PARVA: variants seen among roughly 807,000 people sequenced by gnomAD.
PARVA encodes the protein alpha-parvin.
In PARVA, 25 loss-of-function variants were observed where a neutral mutation model predicts 52.6. That is an observed-to-expected ratio of 0.48 (90% CI 0.35 to 0.66). PARVA has a LOEUF of 0.66. Among genes scored for constraint, PARVA ranks in the 30% least tolerant of loss-of-function variants. The pLI is 0.01. For synonymous variants in PARVA, 185 were observed against 179.1 expected, an observed-to-expected ratio of 1.03 and a Z score of -0.26; for missense variants, 373 against 450.9, an observed-to-expected ratio of 0.83 and a Z score of 1.56.
At chr11:12,475,593 A>G (rs1941001312) in intron 3 of PARVA, among the ~76,000 whole-genome samples, 1 of 152,216 alleles carries the variant, frequency 6.6e-6, no homozygotes, top group Admixed American at 6.5e-5. Flanking sequence ...AGGAGTATTC[A>G]GAAGTAAAAT....
chr11:12,427,094 A>G lies in PARVA; in HGVS notation c.137-46651A>G, dbSNP rs189959764. Among the ~76,000 whole-genome samples the G allele has an allele frequency of 5.3e-5, 8 of 152,240 alleles. No individual in the cohort carries two copies. The East Asian group carries it at 1.5e-3, about 29-fold the overall frequency. On this transcript the variant is annotated intron_variant, in intron 1 of 12. Coordinates refer to ENST00000334956, the MANE Select transcript of PARVA (RefSeq NM_018222.5). ...GAAAATAAAAATATGAACAGAAATG[A>G]AGTAAAAATCAGGCTAATAAGACAG... is the stretch of plus-strand genomic sequence containing the variant.
At chr11:12,482,431 C>A (rs1277221734) in intron 4 of PARVA, among the ~76,000 whole-genome samples, 4 of 152,030 alleles carry the variant, frequency 2.6e-5, no homozygotes, top group African/African-American at 9.7e-5. Context: ...TCGAGACCAG[C>A]CTGACCAACA....
chr11:12,496,492 G>C lies in PARVA; in HGVS notation c.435G>C (p.Glu145Asp). Residue 145 changes from glutamate (E) to aspartate (D), a missense_variant, in exon 5 of 13, where the codon GAG becomes GAC. Coordinates refer to ENST00000334956, the MANE Select transcript of PARVA (RefSeq NM_018222.5). Reference protein sequence around the residue: ...KLESEKLNVAEVTQSEIAQKQ... With the variant: ...KLESEKLNVADVTQSEIAQKQ... ...AGAGTGAGAAGCTAAATGTGGCTGA[G>C]GTCACCCAGTCAGAGATTGCTCAGA... The C allele has an allele frequency of 6.2e-7, 1 of 1,608,682 alleles. No homozygotes were observed. The highest frequency in any genetic ancestry group is 8.5e-7 in the Non-Finnish European group (1 of 1,177,616).
intron 1 of PARVA, among the ~76,000 whole-genome samples, chr11:12,398,694 T>G (rs1273858325): frequency 2.0e-5 from 3 of 151,842 alleles, no homozygotes; most frequent in Non-Finnish European, 4.4e-5. Context: ...GCATAAGAAC[T>G]CAATACCAGA....
chr11:12,471,683 C>T (rs1172587472), intron 1 of PARVA, among the ~76,000 whole-genome samples: 3 of 152,190 alleles, frequency 2.0e-5, no homozygotes, highest in African/African-American at 7.2e-5. Flanking sequence ...TTTCTACATC[C>T]ATGCTGTCTG....
At chr11:12,495,573 G>T (rs953895871) in intron 4 of PARVA, among the ~76,000 whole-genome samples, 1 of 151,914 alleles carries the variant, frequency 6.6e-6, no homozygotes, top group East Asian at 1.9e-4. Context: ...CTTTGTAATA[G>T]ATTAAAATAT....
chr11:12,392,290 A>T, intron 1 of PARVA, among the ~76,000 whole-genome samples: 1 of 137,200 alleles, frequency 7.3e-6, no homozygotes, highest in Non-Finnish European at 1.5e-5. Context: ...TTTTCCTGAG[A>T]CGGAGTCTTG....
intron 1 of PARVA, among the ~76,000 whole-genome samples, chr11:12,436,818 T>C (rs1002896535): frequency 6.6e-6 from 1 of 151,958 alleles, no homozygotes; most frequent in African/African-American, 2.4e-5. Context: ...AAAGAAAAAA[T>C]GATTAAAGGT....
At chr11:12,505,312 A>G (rs1053977892) in intron 6 of PARVA, among the ~76,000 whole-genome samples, 10 of 152,156 alleles carry the variant, frequency 6.6e-5, no homozygotes, top group African/African-American at 2.4e-4. Context: ...CCATCCCTTG[A>G]TAAGAAAAAG....
chr11:12,397,254 C>T lies in PARVA; in HGVS notation c.136+19471C>T, dbSNP rs188080149. Among the ~76,000 whole-genome samples, 8 of 152,188 alleles carry T rather than the reference C, an allele frequency of 5.3e-5. No homozygotes were observed. The East Asian group carries it at 5.8e-4, about 11-fold the overall frequency. ...TATTTATTCTTATTTTTAGAGATGG[C>T]GTCTTGCTATATTGCCTATGCTGGA... On this transcript the variant is annotated intron_variant, in intron 1 of 12. Transcript: ENST00000334956.
chr11:12,483,381 AAGAG>A (rs527325605), intron 4 of PARVA, among the ~76,000 whole-genome samples: 193 of 152,268 alleles, frequency 1.3e-3, no homozygotes, highest in African/African-American at 4.5e-3. Flanking sequence ...GTAAGAGGGG[AAGAG>A]AGAAATGCCA....
chr11:12,516,396 C>T (rs192445420), intron 10 of PARVA, among the ~76,000 whole-genome samples: 5 of 152,266 alleles, frequency 3.3e-5, no homozygotes, highest in African/African-American at 9.6e-5. Flanking sequence ...GGCCATCCCC[C>T]CTACCTGGAA....
intron 1 of PARVA, among the ~76,000 whole-genome samples, chr11:12,405,628 T>C (rs960040161): frequency 2.6e-5 from 4 of 152,236 alleles, no homozygotes; most frequent in South Asian, 2.1e-4. Context: ...TTGGATATGT[T>C]TTCTCTTTCA....
At chr11:12,449,958 C>A (rs1005659669) in intron 1 of PARVA, among the ~76,000 whole-genome samples, 2 of 152,232 alleles carry the variant, frequency 1.3e-5, no homozygotes, top group African/African-American at 4.8e-5. Context: ...TAGCGACTAA[C>A]ATTGATCAGA....
At chr11:12,526,681 C>T (rs1269173143) in intron 12 of PARVA, among the ~76,000 whole-genome samples, 1 of 152,194 alleles carries the variant, frequency 6.6e-6, no homozygotes, top group Non-Finnish European at 1.5e-5. Context: ...TATTCTGAGT[C>T]CAGTCATCAA....
chr11:12,435,733 C>G (rs73411571), intron 1 of PARVA, among the ~76,000 whole-genome samples: 2 of 152,160 alleles, frequency 1.3e-5, no homozygotes, highest in African/African-American at 2.4e-5. Flanking sequence ...CCTCTCTCCT[C>G]TCAACAGTTG....
At chr11:12,426,204 T>C (rs534725644) in intron 1 of PARVA, among the ~76,000 whole-genome samples, 12 of 152,250 alleles carry the variant, frequency 7.9e-5, no homozygotes, top group Non-Finnish European at 1.3e-4. Flanking sequence ...CCTGGGTGGT[T>C]GAGCAGGGCC....
intron 1 of PARVA, among the ~76,000 whole-genome samples, chr11:12,417,895 T>G (rs185216363): frequency 1.8e-4 from 27 of 152,312 alleles, no homozygotes; most frequent in African/African-American, 6.3e-4. Flanking sequence ...GCGAGGCATC[T>G]CTGGCCAGGG....
chr11:12,491,497 C>T (rs1313184023), intron 4 of PARVA, among the ~76,000 whole-genome samples: 7 of 151,912 alleles, frequency 4.6e-5, no homozygotes, highest in African/African-American at 7.2e-5. Context: ...GAGGGACACG[C>T]GAAGGTTGAA....
Sources: allele counts gnomAD v4.1 joint callset (sites outside exome capture counted in the v4.1 genomes callset), GRCh38; gene constraint gnomAD v4.1.1; transcripts MANE v1.5; gene names NCBI Gene and HGNC (gene_info 2026-07-23, HGNC 2026-07-21).